The following ZWILCH variants were observed in gnomAD, a reference collection of about 807,000 sequenced individuals.
ZWILCH encodes the protein zwilch kinetochore protein.
In ZWILCH, 74 loss-of-function variants were observed where a neutral mutation model predicts 79.9. The ratio of observed to expected loss-of-function variants is 0.93; its 90% CI spans 0.77 to 1.12. The LOEUF is 1.12. Ranked by LOEUF, ZWILCH falls within the 50% of genes most tolerant of loss-of-function variation. ZWILCH has a pLI of 0.00. For missense variants in ZWILCH, 694 were observed against 687.5 expected (o/e 1.01, Z -0.11); for synonymous variants, 241 against 228.2 (o/e 1.06, Z -0.51).
chr15:66,515,113 T>TTTTTC (rs1202294182), intron 3 of ZWILCH, among the ~76,000 whole-genome samples: 1 of 150,764 alleles, frequency 6.6e-6, no homozygotes, highest in Admixed American at 6.6e-5. Context: ...GCTGATTTTT[T>TTTTTC]TTTTCTTTTC....
Position 66,505,353 on chromosome 15 carries a change from G to C in ZWILCH, c.15G>C (p.Leu5=), listed in dbSNP as rs1313178684. 2 of 1,614,082 alleles carry C rather than the reference G, an allele frequency of 1.2e-6. No homozygotes were observed. Among genetic ancestry groups the C allele is most frequent in the African/African-American group, 1.3e-5 (1 of 75,064 alleles). ...ATTGGGGCGGGATGTGGGAGCGGCT[G>C]AACTGCGCAGCAGAGGACTTTTATT... MWER[L]NCAAEDFYSR... is the part of the protein sequence containing the mutation. Residue 5 remains leucine, a synonymous_variant, in exon 1 of 19, where the codon CTG becomes CTC. Transcript: ENST00000307897.
chr15:66,539,172 C>T (rs1895115459), intron 16 of ZWILCH, among the ~76,000 whole-genome samples: 1 of 152,036 alleles, frequency 6.6e-6, no homozygotes, highest in Non-Finnish European at 1.5e-5. Context: ...TGCTTATCCT[C>T]CGCTCATCCC....
In ZWILCH at chr15:66,537,348, A is replaced by G. The variant is rs577967192; in HGVS notation, c.1574+85A>G. On this transcript the variant is annotated intron_variant, in intron 16 of 18. Transcript: ENST00000307897. ...TGAGGTGGGAGGATAACTTGAGCTC[A>G]GGAGTTCGAGACCAGCCTGGGCAAC... The G allele has an allele frequency of 3.1e-6, 3 of 965,080 alleles. No homozygotes were observed. In the African/African-American group the frequency reaches 4.9e-5, roughly 16 times the overall value. The allele number at this position is 965,080 out of a possible 1,614,324, so 59.8% of individuals were successfully genotyped here. A position where few individuals can be genotyped will look rare whatever the true frequency, so the allele number is the denominator to read the frequency against.
At chr15:66,511,182 A>G (rs376361107) in intron 2 of ZWILCH, among the ~76,000 whole-genome samples, 7 of 152,324 alleles carry the variant, frequency 4.6e-5, no homozygotes, top group Admixed American at 2.0e-4. Context: ...TAATAAGCAT[A>G]TTAGAAACTG....
intron 12 of ZWILCH, among the ~76,000 whole-genome samples, chr15:66,530,658 CTG>C (rs1894825883): frequency 6.6e-6 from 1 of 152,124 alleles, no homozygotes; most frequent in African/African-American, 2.4e-5. Context: ...GTTTTTCCAA[CTG>C]TGTTATATTT....
intron 4 of ZWILCH, among the ~76,000 whole-genome samples, chr15:66,516,428 G>C (rs1894259712): frequency 6.6e-6 from 1 of 152,118 alleles, no homozygotes; most frequent in South Asian, 2.1e-4. Context: ...AATGGTATGA[G>C]AATGATAACT....
intron 3 of ZWILCH, among the ~76,000 whole-genome samples, chr15:66,514,970 CTTGCTCTT>C (rs1248863163): frequency 1.3e-5 from 2 of 152,096 alleles, no homozygotes; most frequent in African/African-American, 4.8e-5. Context: ...TTAAGGTAGT[CTTGCTCTT>C]TTGCCCAGGC....
intron 1 of ZWILCH, 101 bp from the exon 2 acceptor site, chr15:66,508,740 C>T: frequency 5.9e-6 from 9 of 1,538,430 alleles, no homozygotes; most frequent in Admixed American, 2.1e-5. Context: ...TTTGCCTTTC[C>T]TATAGGTGTC....
At chr15:66,547,451 GA>G (rs1895419507) in intron 18 of ZWILCH, 1 of 151,778 alleles carries the variant, frequency 6.6e-6, no homozygotes, top group South Asian at 2.1e-4. Context: ...CAGATAATGA[GA>G]AAAATGCATG....
chr15:66,537,344 G>GCT (rs1895047711), intron 16 of ZWILCH, 81 bp downstream of exon 16: 1 of 1,041,766 alleles, frequency 9.6e-7, no homozygotes, highest in Admixed American at 1.9e-5. Flanking sequence ...GATAACTTGA[G>GCT]CTCAGGAGTT....
At chr15:66,535,697 T>C (rs1454733437) in intron 14 of ZWILCH, among the ~76,000 whole-genome samples, 2 of 151,230 alleles carry the variant, frequency 1.3e-5, no homozygotes, top group East Asian at 3.9e-4. Context: ...AAAAGACCAC[T>C]GTAATATGTG....
chr15:66,525,448 T>G (rs1161901246), intron 8 of ZWILCH, among the ~76,000 whole-genome samples: 1 of 152,242 alleles, frequency 6.6e-6, no homozygotes, highest in African/African-American at 2.4e-5. Flanking sequence ...GATTTTTTCT[T>G]TTATTCCACA....
At chr15:66,544,897 C>T (rs1336518802) in intron 17 of ZWILCH, among the ~76,000 whole-genome samples, 5 of 151,644 alleles carry the variant, frequency 3.3e-5, no homozygotes, top group South Asian at 2.1e-4. Flanking sequence ...GCGCGTGCCA[C>T]CACGCCTGGC....
At chr15:66,547,714 T>G (rs1370571122) in intron 18 of ZWILCH, 3 of 152,190 alleles carry the variant, frequency 2.0e-5, no homozygotes, top group Non-Finnish European at 4.4e-5. Flanking sequence ...CTCATTTACT[T>G]GGTACCCACT....
At position 66,537,170 on chromosome 15, in the gene ZWILCH, T is replaced by A. The variant is rs768216135; in HGVS notation, c.1481T>A (p.Ile494Asn). 3.1e-6 allele frequency: 5 copies of A among 1,610,990 alleles called. No individual in the cohort carries two copies. The highest frequency in any genetic ancestry group is 4.2e-6 in the Non-Finnish European group (5 of 1,178,986). ...QHELLFSLTQICIKYYKQNPL... is the reference protein window; with the variant it reads ...QHELLFSLTQNCIKYYKQNPL... ...GAGGTTCCATTTTGTTTTTTCAGGA[T>A]CTGCATAAAGTATTACAAACAAAAT... The change falls in exon 16 of 19, where the codon ATC (isoleucine) becomes AAC (asparagine). Residue 494 changes from isoleucine to asparagine, a missense_variant and splice_region_variant. By Grantham distance (149) the Ile-to-Asn change is moderately radical. Coordinates refer to ENST00000307897, the MANE Select transcript of ZWILCH (RefSeq NM_017975.5).
chr15:66,525,625 ATTGT>A (rs1240253763), intron 8 of ZWILCH, among the ~76,000 whole-genome samples: 2 of 152,036 alleles, frequency 1.3e-5, no homozygotes, highest in Admixed American at 1.3e-4. Flanking sequence ...GGGCAGGAAC[ATTGT>A]TTGTGATTTG....
Position 66,532,420 on chromosome 15 carries a change from G to A in ZWILCH, c.1312+17G>A. The A allele has an allele frequency of 1.9e-6, 3 of 1,580,538 alleles. No homozygotes were observed. Among genetic ancestry groups the A allele is most frequent in the Non-Finnish European group, 2.6e-6 (3 of 1,166,706 alleles). On this transcript the variant is annotated intron_variant, in intron 13 of 18. Coordinates refer to ENST00000307897, the MANE Select transcript of ZWILCH (RefSeq NM_017975.5). ...TTTTCATAGGTAAGTATCTTTCCTG[G>A]CTCAAAAAATTAAAAAACACATCAC...
chr15:66,513,550 C>T (rs1894146069), intron 2 of ZWILCH, among the ~76,000 whole-genome samples: 1 of 151,756 alleles, frequency 6.6e-6, no homozygotes, highest in Admixed American at 6.6e-5. Context: ...GCACTCCAGC[C>T]TGGGCAACAT....
chr15:66,523,570 A>G (rs28509265), intron 7 of ZWILCH, 107 bp from the exon 8 acceptor site: 210,648 of 672,206 alleles, frequency 0.31, 34,826 homozygotes, highest in South Asian at 0.38. Flanking sequence ...TCCTTTATGA[A>G]ATATATTTTT....
Sources: gnomAD v4.1 joint callset for allele counts (sites outside exome capture counted in the v4.1 genomes callset) on GRCh38, gnomAD v4.1.1 for gene constraint, MANE v1.5 for transcripts, NCBI Gene and HGNC (gene_info 2026-07-23, HGNC 2026-07-21) for gene names.